The following CDCA8 variants were observed in gnomAD, a reference collection of about 807,000 sequenced individuals.
CDCA8 encodes cell division cycle associated 8.
In CDCA8, 25 loss-of-function variants were observed where a neutral mutation model predicts 40.0. That is an observed-to-expected ratio of 0.63 (90% confidence interval 0.46 to 0.87). CDCA8 has a LOEUF of 0.87. Ranked by LOEUF, CDCA8 falls within the 40% of genes least tolerant of loss-of-function variation. The pLI, the probability that CDCA8 is intolerant of heterozygous loss-of-function variation, is 0.00. For missense variants in CDCA8, 280 were observed against 348.4 expected (o/e 0.80, Z 1.56); for synonymous variants, 111 against 126.5 (o/e 0.88, Z 0.82).
At position 37,699,244 on chromosome 1, in the gene CDCA8, G is replaced by GA. The variant is rs201072094; in HGVS notation, c.337+273dup. Among the ~76,000 whole-genome samples, 1,396 of 151,988 alleles carry GA rather than the reference G, an allele frequency of 9.2e-3. 14 individuals are homozygous for GA. The highest frequency in any genetic ancestry group is 0.03 in the African/African-American group (1,265 of 41,476). On this transcript the variant is annotated intron_variant, in intron 4 of 9. Transcript: ENST00000373055. Reference sequence around the variant, plus strand: ...CCCGTGTGCGAGCTAAAATGAAAGTGAAAAAAGGGGGGAAAAAAGCTGTGC... The same window carrying GA: ...CCCGTGTGCGAGCTAAAATGAAAGTGAAAAAAAGGGGGGAAAAAAGCTGTGC...
Position 37,696,087 on chromosome 1 carries a change from T to C in CDCA8, c.264+137T>C. 4 of 758,520 alleles carry C rather than the reference T, an allele frequency of 5.3e-6. No homozygotes were observed. The highest frequency in any genetic ancestry group is 2.7e-5 in the East Asian group (1 of 36,398). The allele number at this position is 758,520 out of a possible 1,614,324, so 47.0% of individuals were successfully genotyped here. On this transcript the variant is annotated intron_variant, in intron 3 of 9. Transcript: ENST00000373055. This position sits in a 1 kb window ranked among gnomAD's most constrained non-coding sequence, Gnocchi z 5.0. ...GTTTGTGTCAACTGAAAAATTAGAGTTGGACCAGACACTGTATACATGAGA... is the reference window on the plus strand; with the variant it reads ...GTTTGTGTCAACTGAAAAATTAGAGCTGGACCAGACACTGTATACATGAGA...
intron 3 of CDCA8, among the ~76,000 whole-genome samples, chr1:37,697,326 A>G (rs1645534034): frequency 6.6e-6 from 1 of 152,258 alleles, no homozygotes; most frequent in Non-Finnish European, 1.5e-5. Context: ...AAAATTGCAT[A>G]GGACAAAGTC....
At position 37,696,241 on chromosome 1, in the gene CDCA8, A is replaced by G. The variant is rs1052068428; in HGVS notation, c.264+291A>G. Among the ~76,000 whole-genome samples, 1 of 152,204 alleles carries G rather than the reference A, an allele frequency of 6.6e-6. No homozygotes were observed. Among genetic ancestry groups the G allele is most frequent in the Admixed American group, 6.5e-5 (1 of 15,284 alleles). ...CCAAGTTCCTTTAAGCGCCTGAGTCATTACACTATGCATTGGCCTGCTAGA... is the reference window on the plus strand; with the variant it reads ...CCAAGTTCCTTTAAGCGCCTGAGTCGTTACACTATGCATTGGCCTGCTAGA... On this transcript the variant is annotated intron_variant, in intron 3 of 9. Coordinates refer to ENST00000373055, the MANE Select transcript of CDCA8 (RefSeq NM_001256875.2). The surrounding 1 kb of genome is among the most constrained non-coding windows in gnomAD (Gnocchi z 5.0).
intron 6 of CDCA8, 110 bp downstream of exon 6, chr1:37,701,928 C>A: frequency 3.7e-6 from 3 of 808,134 alleles, no homozygotes; most frequent in East Asian, 2.7e-5. Context: ...TGTTTGAAAG[C>A]AGCTTAAAAT....
Position 37,696,465 on chromosome 1 carries a change from T to G in CDCA8, c.264+515T>G, listed in dbSNP as rs2148286413. ...ACTGGGCATATGTAGCTATTTCAGT[T>G]AATTACAATTAATAAAATTAAAGAA... On this transcript the variant is annotated intron_variant, in intron 3 of 9. Transcript: ENST00000373055. The surrounding 1 kb of genome is among the most constrained non-coding windows in gnomAD (Gnocchi z 5.0). 6.6e-6 allele frequency among the ~76,000 whole-genome samples: 1 copy of G among 152,318 alleles called. No individual in the cohort carries two copies. The highest frequency in any genetic ancestry group is 3.4e-3 in the Middle Eastern group (1 of 294).
chr1:37,705,405 T>A (rs775038310), intron 7 of CDCA8, 36 bp from the exon 8 acceptor site: 17 of 1,604,268 alleles, frequency 1.1e-5, no homozygotes, highest in Non-Finnish European at 1.5e-5. Context: ...GTCATCCAAT[T>A]GCCAAGCTAT....
intron 3 of CDCA8, among the ~76,000 whole-genome samples, chr1:37,698,096 C>T (rs542334693): frequency 6.6e-6 from 1 of 152,272 alleles, no homozygotes; most frequent in South Asian, 2.1e-4. Flanking sequence ...CATAGAAAAC[C>T]TTATTGAGAC....
intron 8 of CDCA8, among the ~76,000 whole-genome samples, chr1:37,706,099 G>A (rs936656331): frequency 2.3e-5 from 3 of 131,210 alleles, no homozygotes; most frequent in South Asian, 4.9e-4. Flanking sequence ...ATGAGCCACC[G>A]TGCCCACCTT....
intron 4 of CDCA8, among the ~76,000 whole-genome samples, chr1:37,699,420 T>C (rs1369076689): frequency 6.6e-6 from 1 of 152,180 alleles, no homozygotes; most frequent in African/African-American, 2.4e-5. Context: ...AATGACTTTC[T>C]CTGCATATAA....
intron 4 of CDCA8, 53 bp from the exon 5 acceptor site, chr1:37,700,383 A>G (rs766987832): frequency 4.5e-5 from 49 of 1,084,132 alleles, no homozygotes; most frequent in Non-Finnish European, 6.8e-5. Flanking sequence ...ATGTGAATGC[A>G]CAAAACTTTA....
At chr1:37,693,189 C>G (rs1472157795) in intron 2 of CDCA8, among the ~76,000 whole-genome samples, 156 bp downstream of exon 2, 1 of 120,514 alleles carries the variant, frequency 8.3e-6, no homozygotes, top group Admixed American at 1.2e-4. Flanking sequence ...GTCTCACTTC[C>G]CTACTTCATT....
chr1:37,705,018 G>GT (rs1421032863), intron 7 of CDCA8, among the ~76,000 whole-genome samples: 3 of 152,130 alleles, frequency 2.0e-5, no homozygotes, highest in African/African-American at 7.2e-5. Flanking sequence ...GGAAAACTAG[G>GT]TAGCAGTATT....
chr1:37,695,339 G>A (rs948477373), intron 2 of CDCA8, among the ~76,000 whole-genome samples: 15 of 131,764 alleles, frequency 1.1e-4, no homozygotes, highest in African/African-American at 4.3e-4. Context: ...ACCAGCCTGG[G>A]CAACATAGCA....
rs1645483437 is a variant in CDCA8, at chr1:37,693,042, T to C, written c.223+9T>C. 2 of 1,612,926 alleles carry C rather than the reference T, an allele frequency of 1.2e-6. No individual in the cohort carries two copies. The highest frequency in any genetic ancestry group is 1.1e-5 in the South Asian group (1 of 91,080). On this transcript the variant is annotated intron_variant, in intron 2 of 9. Transcript: ENST00000373055. ...CTGGCTTGACTACTTCGGTAAGAGC[T>C]GGAGAGCTTCCCTGGGCGGAGGCCA...
At chr1:37,699,264 C>G (rs1485933804) in intron 4 of CDCA8, among the ~76,000 whole-genome samples, 1 of 152,090 alleles carries the variant, frequency 6.6e-6, no homozygotes, top group East Asian at 1.9e-4. Context: ...GGGAAAAAAG[C>G]TGTGCTAGAA....
Position 37,700,519 on chromosome 1 carries a change from A to G in CDCA8, c.421A>G (p.Arg141Gly). 6.3e-7 allele frequency: 1 copy of G among 1,593,620 alleles called. No homozygotes were observed. Among genetic ancestry groups the G allele is most frequent in the Non-Finnish European group, 8.6e-7 (1 of 1,161,364 alleles). The change falls in exon 5 of 10, where the codon AGA becomes GGA. Residue 141 changes from arginine to glycine, a missense_variant and splice_region_variant. Coordinates refer to ENST00000373055, the MANE Select transcript of CDCA8 (RefSeq NM_001256875.2). ...ENERKNLQTARVKRCPPSKKR... is the reference protein window; with the variant it reads ...ENERKNLQTAGVKRCPPSKKR... The stretch of plus-strand genomic sequence containing the variant: ...TGAACGTAAGAATCTTCAAACTGCA[A>G]GAGTAAGTGGACACTGAGGTTGGAG...
chr1:37,692,790 G>C lies in CDCA8; in HGVS notation c.94+6G>C, dbSNP rs997700945. ...GAAAGACTTCGACCGTGAAGGTAAG[G>C]GGCCAGGCCGTCGCGGCCTCCTGGG... On this transcript the variant is annotated splice_donor_region_variant and intron_variant, in intron 1 of 9. Transcript: ENST00000373055. 3 of 1,613,046 alleles carry C rather than the reference G, an allele frequency of 1.9e-6. No homozygotes were observed. Among genetic ancestry groups the C allele is most frequent in the Admixed American group, 3.3e-5 (2 of 59,998 alleles).
intron 6 of CDCA8, 126 bp from the exon 7 acceptor site, chr1:37,703,126 G>A (rs970127974): frequency 4.0e-5 from 30 of 746,424 alleles, no homozygotes; most frequent in South Asian, 3.0e-4. Flanking sequence ...GAAGGGTCAC[G>A]TGAGTCGATG....
At position 37,696,675 on chromosome 1, in the gene CDCA8, C is replaced by T. The variant is rs1645529412; in HGVS notation, c.264+725C>T. On this transcript the variant is annotated intron_variant, in intron 3 of 9. Coordinates refer to ENST00000373055, the MANE Select transcript of CDCA8 (RefSeq NM_001256875.2). This position sits in a 1 kb window ranked among gnomAD's most constrained non-coding sequence, Gnocchi z 5.0. Reference sequence around the variant, plus strand: ...TCCCTAGGCACTCTAAAATAATATACAAACAATGCGTGTGTATGCACGCAT... The same window carrying T: ...TCCCTAGGCACTCTAAAATAATATATAAACAATGCGTGTGTATGCACGCAT... Among the ~76,000 whole-genome samples, 1 of 152,198 alleles carries T rather than the reference C, an allele frequency of 6.6e-6. No individual in the cohort carries two copies. The highest frequency in any genetic ancestry group is 1.5e-5 in the Non-Finnish European group (1 of 68,038).
Sources: allele counts gnomAD v4.1 joint callset (sites outside exome capture counted in the v4.1 genomes callset), GRCh38; gene constraint gnomAD v4.1.1; non-coding constraint Gnocchi (gnomAD v3.1); transcripts MANE v1.5; gene names NCBI Gene and HGNC (gene_info 2026-07-23, HGNC 2026-07-21).